Variants in SNW1 observed in about 807,000 individuals in gnomAD.
SNW1 encodes the protein SNW domain containing 1.
Under a neutral mutation model 75.6 loss-of-function variants are expected in SNW1, and 9 were observed. The ratio of observed to expected loss-of-function variants is 0.12; its 90% CI spans 0.07 to 0.21. The LOEUF (loss-of-function observed/expected upper bound fraction) is 0.21. Ranked by LOEUF, SNW1 falls within the 10% of genes least tolerant of loss-of-function variation. SNW1 has a pLI of 1.00. For missense variants in SNW1, 409 were observed against 670.9 expected, an observed-to-expected ratio of 0.61 and a Z score of 4.31; for synonymous variants, 200 against 219.1, an observed-to-expected ratio of 0.91 and a Z score of 0.77.
At chr14:77,725,371 G>A (rs1050288526) in intron 10 of SNW1, among the ~76,000 whole-genome samples, 2 of 152,108 alleles carry the variant, frequency 1.3e-5, no homozygotes, top group Admixed American at 6.6e-5. Flanking sequence ...TGCTGTCTGT[G>A]CTTTTGAGAT....
At chr14:77,738,006 A>AG (rs1555387647) in intron 5 of SNW1, among the ~76,000 whole-genome samples, 20 of 150,610 alleles carry the variant, frequency 1.3e-4, no homozygotes, top group African/African-American at 4.9e-4. Context: ...AAAAAAAAAA[A>AG]AAAAGAAAAT....
At chr14:77,725,097 G>A (rs1050338966) in intron 10 of SNW1, among the ~76,000 whole-genome samples, 1 of 152,156 alleles carries the variant, frequency 6.6e-6, no homozygotes, top group Admixed American at 6.5e-5. Context: ...CTGATGATTA[G>A]TGATGCTGAA....
rs141140583 is a variant in SNW1, at chr14:77,717,751, G to T, written c.*337C>A. 3.7e-4 allele frequency: 231 copies of T among 616,988 alleles called. No individual in the cohort carries two copies. Among genetic ancestry groups the T allele is most frequent in the African/African-American group, 3.6e-3 (195 of 54,248 alleles). The allele number at this position is 616,988 out of a possible 1,614,324, so 38.2% of individuals were successfully genotyped here. Reference sequence around the variant, plus strand: ...CATCTTCCTCCTCACTGTGGTTGGGGTAACTTTACTCATATGCAGCTGTTC... The same window carrying T: ...CATCTTCCTCCTCACTGTGGTTGGGTTAACTTTACTCATATGCAGCTGTTC... On this transcript the variant is annotated 3_prime_UTR_variant, in exon 14 of 14. Coordinates refer to ENST00000261531, the MANE Select transcript of SNW1 (RefSeq NM_012245.3).
chr14:77,730,438 G>GT (rs1467996728), intron 10 of SNW1, among the ~76,000 whole-genome samples: 1 of 151,840 alleles, frequency 6.6e-6, no homozygotes, highest in Non-Finnish European at 1.5e-5. Context: ...AATGTACCAG[G>GT]TAAGAATTTA....
At chr14:77,729,404 CAAT>C (rs1159882809) in intron 10 of SNW1, among the ~76,000 whole-genome samples, 4 of 152,150 alleles carry the variant, frequency 2.6e-5, no homozygotes, top group African/African-American at 9.7e-5. Flanking sequence ...AAAATACATC[CAAT>C]ATGGGACCAT....
intron 5 of SNW1, among the ~76,000 whole-genome samples, chr14:77,737,623 TATAA>T (rs1162979167): frequency 6.6e-6 from 1 of 152,188 alleles, no homozygotes; most frequent in Non-Finnish European, 1.5e-5. Context: ...AATGGAAAAC[TATAA>T]ATAATAATTG....
At chr14:77,746,764 C>T (rs1247737774) in intron 3 of SNW1, among the ~76,000 whole-genome samples, 4 of 151,702 alleles carry the variant, frequency 2.6e-5, no homozygotes, top group Admixed American at 1.3e-4. Flanking sequence ...AAATAAAAAG[C>T]AAGTCAAAGG....
chr14:77,718,656 T>TTAAAA (rs1199868544), intron 12 of SNW1, 126 bp from the exon 13 acceptor site: 1 of 582,090 alleles, frequency 1.7e-6, no homozygotes, highest in Non-Finnish European at 2.9e-6. Flanking sequence ...GAACTGCAAA[T>TTAAAA]TAAAAAGTCT....
At chr14:77,749,916 T>TAGATCCAGGTGC (rs1327238355) in intron 3 of SNW1, among the ~76,000 whole-genome samples, 1 of 152,056 alleles carries the variant, frequency 6.6e-6, no homozygotes, top group African/African-American at 2.4e-5. Context: ...AGATCAGGTG[T>TAGATCCAGGTGC]AGATCCAGGT....
chr14:77,742,181 G>A (rs1023933877), intron 3 of SNW1, among the ~76,000 whole-genome samples: 1 of 151,922 alleles, frequency 6.6e-6, no homozygotes, highest in Admixed American at 6.6e-5. Context: ...GATTACAGGC[G>A]CATGACACCA....
chr14:77,727,931 C>T (rs1266768084), intron 10 of SNW1, among the ~76,000 whole-genome samples: 1 of 151,592 alleles, frequency 6.6e-6, no homozygotes, highest in Non-Finnish European at 1.5e-5. Flanking sequence ...ATTCCCTTCT[C>T]TTCAATTTTT....
chr14:77,733,742 C>CAAAAAAAAAAAAAAAAAAAAAA (rs35483765), intron 8 of SNW1, among the ~76,000 whole-genome samples: 1 of 64,852 alleles, frequency 1.5e-5, no homozygotes, highest in Non-Finnish European at 2.7e-5. Context: ...GAGACCGTCT[C>CAAAAAAAAAAAAAAAAAAAAAA]AAAAAAAAAA....
At chr14:77,745,721 T>C (rs917354386) in intron 3 of SNW1, among the ~76,000 whole-genome samples, 4 of 146,486 alleles carry the variant, frequency 2.7e-5, no homozygotes, top group South Asian at 2.2e-4. Flanking sequence ...AAAAAGTTTT[T>C]TTCTTCTTAA....
chr14:77,746,519 T>A (rs144945894), intron 3 of SNW1, among the ~76,000 whole-genome samples: 1 of 152,216 alleles, frequency 6.6e-6, no homozygotes, highest in Admixed American at 6.5e-5. Context: ...ATGTGTCACA[T>A]GTGAAATCTA....
chr14:77,732,011 T>C (rs1263043423), intron 9 of SNW1, among the ~76,000 whole-genome samples: 1 of 152,194 alleles, frequency 6.6e-6, no homozygotes, highest in Non-Finnish European at 1.5e-5. Context: ...GCTGGGATTA[T>C]ACACATGAGC....
At chr14:77,753,830 G>A (rs1418861612) in intron 2 of SNW1, among the ~76,000 whole-genome samples, 4 of 151,644 alleles carry the variant, frequency 2.6e-5, no homozygotes, top group African/African-American at 9.7e-5. Context: ...GCACGTGCCT[G>A]TAATCCTGGC....
Position 77,722,147 on chromosome 14 carries a change from T to G in SNW1, c.1130+1034A>C, listed in dbSNP as rs547400148. ...ATTTGGGAAGAAAATATTCTATATT[T>G]GCATTTAACCCTCACTCAGAATTCC... On this transcript the variant is annotated intron_variant, in intron 11 of 13. Transcript: ENST00000261531. Among the ~76,000 whole-genome samples, 25 of 152,322 alleles carry G rather than the reference T, an allele frequency of 1.6e-4. 1 individual carries two copies. In the South Asian group the frequency reaches 4.8e-3, roughly 29 times the overall value.
intron 8 of SNW1, 69 bp downstream of exon 8, chr14:77,734,878 G>A: frequency 1.0e-6 from 1 of 994,458 alleles, no homozygotes; most frequent in Middle Eastern, 2.2e-4. Context: ...AGTTATGCAG[G>A]CTGTAGTTGT....
intron 12 of SNW1, among the ~76,000 whole-genome samples, chr14:77,719,937 G>A (rs2080525280): frequency 6.6e-6 from 1 of 152,202 alleles, no homozygotes; most frequent in South Asian, 2.1e-4. Context: ...GTATTCTTGT[G>A]TGTGCGCATG....
Sources: gnomAD v4.1 joint callset for allele counts (sites outside exome capture counted in the v4.1 genomes callset) on GRCh38, gnomAD v4.1.1 for gene constraint, MANE v1.5 for transcripts, NCBI Gene and HGNC (gene_info 2026-07-23, HGNC 2026-07-21) for gene names.